ADARB2: variants seen among roughly 807,000 people sequenced by gnomAD.
ADARB2 encodes adenosine deaminase RNA specific B2 (inactive), also known as inactive double-stranded RNA-specific editase B2.
A neutral mutation model predicts 62.2 loss-of-function variants in ADARB2; 25 were observed. The observed-to-expected ratio is 0.40, with a 90% CI of 0.29 to 0.56. ADARB2 has a LOEUF of 0.56. Ranked by LOEUF, ADARB2 falls within the 20% of genes least tolerant of loss-of-function variation. The pLI is 0.43. For missense variants in ADARB2, 1,071 were observed against 1,077.4 expected (o/e 0.99, Z 0.08); for synonymous variants, 572 against 500.8 (o/e 1.14, Z -1.90).
intron 3 of ADARB2, among the ~76,000 whole-genome samples, chr10:1,303,029 A>C (rs1831590109): frequency 6.6e-6 from 1 of 151,838 alleles, no homozygotes; most frequent in Admixed American, 6.6e-5. Flanking sequence ...CTGGACGGAG[A>C]ATGACTTTGA....
At chr10:1,253,208 A>G (rs1831051118) in intron 4 of ADARB2, among the ~76,000 whole-genome samples, 1 of 152,220 alleles carries the variant, frequency 6.6e-6, no homozygotes, top group Non-Finnish European at 1.5e-5. Flanking sequence ...ATTATGATAC[A>G]TATATTTCTG....
intron 3 of ADARB2, among the ~76,000 whole-genome samples, chr10:1,315,020 C>T (rs890194229): frequency 1.3e-5 from 2 of 152,192 alleles, no homozygotes; most frequent in African/African-American, 4.8e-5. Flanking sequence ...GGAGAGAAGC[C>T]GCCCCGAGGT....
At position 1,690,469 on chromosome 10, in the gene ADARB2, C is replaced by T. The variant is rs549943480; in HGVS notation, c.100+46582G>A. On this transcript the variant is annotated intron_variant, in intron 1 of 9. Transcript: ENST00000381312. ...GAGTGTGGGGTCCCAAGCAGAGAGC[C>T]GTGGAGCTCTGAATACTTGTAATGA... Among the ~76,000 whole-genome samples, 11 of 152,200 alleles carry T rather than the reference C, an allele frequency of 7.2e-5. No homozygotes were observed. The South Asian group carries it at 8.3e-4, about 12-fold the overall frequency.
chr10:1,211,126 T>C (rs772911393), intron 7 of ADARB2, among the ~76,000 whole-genome samples: 23 of 151,964 alleles, frequency 1.5e-4, no homozygotes, highest in Non-Finnish European at 3.1e-4. Flanking sequence ...CTATCATCTG[T>C]CGATCAGTCA....
At chr10:1,298,365 C>T (rs1411518114) in intron 3 of ADARB2, among the ~76,000 whole-genome samples, 1 of 152,134 alleles carries the variant, frequency 6.6e-6, no homozygotes, top group East Asian at 1.9e-4. Flanking sequence ...TTAAGGGTTT[C>T]CATGGAGTCT....
intron 1 of ADARB2, among the ~76,000 whole-genome samples, chr10:1,384,138 C>T (rs1262471135): frequency 1.3e-5 from 2 of 152,188 alleles, no homozygotes; most frequent in East Asian, 1.9e-4. Context: ...TAATCACATA[C>T]GATGTGTTCA....
intron 3 of ADARB2, among the ~76,000 whole-genome samples, chr10:1,357,095 G>A (rs533100064): frequency 1.4e-4 from 22 of 152,240 alleles, no homozygotes; most frequent in Non-Finnish European, 2.9e-4. Flanking sequence ...GGTTAAAAGA[G>A]TTCCTGTCAG....
intron 1 of ADARB2, among the ~76,000 whole-genome samples, chr10:1,687,029 C>CTTTTTTTTTTTTTTTTTTTT (rs397952487): frequency 1.6e-5 from 2 of 129,004 alleles, no homozygotes; most frequent in Admixed American, 8.0e-5. Context: ...ATGACATTGC[C>CTTTTTTTTTTTTTTTTTTTT]TTTTTTTTTT....
chr10:1,464,150 C>CAT (rs1831214268), intron 1 of ADARB2, among the ~76,000 whole-genome samples: 2 of 148,590 alleles, frequency 1.3e-5, no homozygotes, highest in Non-Finnish European at 3.0e-5. Context: ...CCCCCACACA[C>CAT]GCGCGGGGGG....
chr10:1,295,463 G>A (rs566978859), intron 3 of ADARB2, among the ~76,000 whole-genome samples: 4 of 152,218 alleles, frequency 2.6e-5, no homozygotes, highest in Non-Finnish European at 4.4e-5. Context: ...ACCAGGAAAT[G>A]TTGGGGACAA....
intron 3 of ADARB2, among the ~76,000 whole-genome samples, chr10:1,346,148 C>T (rs916497926): frequency 3.3e-5 from 5 of 152,128 alleles, no homozygotes; most frequent in East Asian, 1.9e-4. Flanking sequence ...ACAATTCCAC[C>T]GTGTGCATTA....
At chr10:1,627,227 T>C (rs985030080) in intron 1 of ADARB2, among the ~76,000 whole-genome samples, 5 of 152,122 alleles carry the variant, frequency 3.3e-5, no homozygotes, top group African/African-American at 1.2e-4. Context: ...GATTGATTTA[T>C]TGATTTAGAG....
chr10:1,698,511 A>T (rs916147290), intron 1 of ADARB2, among the ~76,000 whole-genome samples: 3 of 152,230 alleles, frequency 2.0e-5, no homozygotes, highest in Non-Finnish European at 4.4e-5. Flanking sequence ...TTGCTCATGG[A>T]AGAAAAAATT....
intron 2 of ADARB2, 25 bp from the exon 3 acceptor site, chr10:1,363,942 G>A: frequency 7.0e-7 from 1 of 1,427,770 alleles, no homozygotes; most frequent in East Asian, 2.6e-5. Context: ...AGACCAGTCA[G>A]GAGCCTGGGC....
chr10:1,512,863 C>G (rs575059623), intron 1 of ADARB2, among the ~76,000 whole-genome samples: 7 of 152,184 alleles, frequency 4.6e-5, no homozygotes, highest in Non-Finnish European at 1.0e-4. Context: ...GCTCACCCCA[C>G]GTCTGCCACC....
At chr10:1,521,778 C>T (rs1317874954) in intron 1 of ADARB2, among the ~76,000 whole-genome samples, 1 of 149,098 alleles carries the variant, frequency 6.7e-6, no homozygotes, top group Non-Finnish European at 1.5e-5. Flanking sequence ...CCCCCCCATC[C>T]ACCCCCCACT....
chr10:1,265,374 C>T (rs1482751835), intron 4 of ADARB2, among the ~76,000 whole-genome samples: 1 of 152,250 alleles, frequency 6.6e-6, no homozygotes, highest in African/African-American at 2.4e-5. Flanking sequence ...AAAGCGGTGC[C>T]CTGACAGTTT....
At chr10:1,185,122 A>G (rs2131733694) in intron 8 of ADARB2, 83 bp from the exon 9 acceptor site, 1 of 1,483,650 alleles carries the variant, frequency 6.7e-7, no homozygotes, top group Non-Finnish European at 9.1e-7. Context: ...GGGGAAATGG[A>G]GCCTGTATGT....
At chr10:1,452,358 TAAAA>T (rs1365159202) in intron 1 of ADARB2, among the ~76,000 whole-genome samples, 1 of 152,040 alleles carries the variant, frequency 6.6e-6, no homozygotes, top group African/African-American at 2.4e-5. Context: ...ATAACAATAA[TAAAA>T]AAACTTCTTG....
Sources: allele counts gnomAD v4.1 joint callset (sites outside exome capture counted in the v4.1 genomes callset), GRCh38; gene constraint gnomAD v4.1.1; transcripts MANE v1.5; gene names NCBI Gene and HGNC (gene_info 2026-07-23, HGNC 2026-07-21).